CCDC91: variants seen among roughly 807,000 people sequenced by gnomAD.
CCDC91 encodes the protein coiled-coil domain containing 91.
A neutral mutation model predicts 63.2 loss-of-function variants in CCDC91; 48 were observed. The observed-to-expected ratio is 0.76, with a 90% CI of 0.60 to 0.97. The LOEUF is 0.97. CCDC91 is among the 50% of genes least tolerant of loss of function. CCDC91 has a pLI of 0.00. For synonymous variants in CCDC91, 167 were observed against 165.8 expected (o/e 1.01, Z -0.06); for missense variants, 500 against 494.6 (o/e 1.01, Z -0.10).
chr12:28,358,625 C>G (rs1029602480), intron 6 of CCDC91, among the ~76,000 whole-genome samples: 2 of 152,148 alleles, frequency 1.3e-5, no homozygotes, highest in Non-Finnish European at 2.9e-5. Context: ...ACTAGCACTA[C>G]CTCTTCCAAT....
rs1215386223 is a variant in CCDC91 at position 28,392,077 on chromosome 12, T to C, written c.762+666T>C. On this transcript the variant is annotated intron_variant, in intron 8 of 12. Coordinates refer to ENST00000536442, the MANE Select transcript of CCDC91 (RefSeq NM_018318.5). ...AATAAAATTAGGAGTAGAATTTAAA[T>C]GGAGATTATAAATATACCACCTTAT... 2.0e-5 allele frequency among the ~76,000 whole-genome samples: 3 copies of C among 152,296 alleles called. No homozygotes were observed. The East Asian group carries it at 5.8e-4, about 29-fold the overall frequency.
At chr12:28,301,396 T>TG (rs1269648265) in intron 3 of CCDC91, among the ~76,000 whole-genome samples, 1 of 151,600 alleles carries the variant, frequency 6.6e-6, no homozygotes, top group East Asian at 1.9e-4. Flanking sequence ...TAACCAGTCT[T>TG]GCATTCCTGG....
chr12:28,223,874 T>C (rs959884975), intron 1 of CCDC91, among the ~76,000 whole-genome samples: 1 of 152,226 alleles, frequency 6.6e-6, no homozygotes, highest in African/African-American at 2.4e-5. Context: ...TGTAAGATTC[T>C]CCTTGGAGAA....
chr12:28,408,419 A>G (rs897976521), intron 8 of CCDC91, among the ~76,000 whole-genome samples: 1 of 152,102 alleles, frequency 6.6e-6, no homozygotes, highest in Non-Finnish European at 1.5e-5. Context: ...AGTCTTTGCT[A>G]TTGTAAATAG....
Position 28,267,864 on chromosome 12 carries a change from T to TATATTATTA in CCDC91, c.109+8426_109+8427insTATTAATAT, listed in dbSNP as rs1491216929. On this transcript the variant is annotated intron_variant, in intron 3 of 12. Coordinates refer to ENST00000536442, the MANE Select transcript of CCDC91 (RefSeq NM_018318.5). ...ATATAATTATATAGTAATATATAAT[T>TATATTATTA]ATATATAATTATATATAATTATTAT... is the stretch of plus-strand genomic sequence containing the variant. Among the ~76,000 whole-genome samples the TATATTATTA allele has an allele frequency of 3.4e-3, 156 of 46,200 alleles. 6 individuals carry two copies. The highest frequency in any genetic ancestry group is 0.019 in the South Asian group (30 of 1,550). 30.3% of individuals were successfully genotyped at this position (46,200 alleles called of 152,430 possible). A position where few individuals can be genotyped will look rare whatever the true frequency, so the allele number is the denominator to read the frequency against.
At chr12:28,541,040 C>G (rs1261978412) in intron 12 of CCDC91, among the ~76,000 whole-genome samples, 1 of 152,062 alleles carries the variant, frequency 6.6e-6, no homozygotes, top group African/African-American at 2.4e-5. Context: ...AGAACATGAC[C>G]CAGAGGCACT....
At chr12:28,536,487 T>C (rs1357992822) in intron 12 of CCDC91, among the ~76,000 whole-genome samples, 1 of 152,212 alleles carries the variant, frequency 6.6e-6, no homozygotes, top group African/African-American at 2.4e-5. Flanking sequence ...AGTATACAAT[T>C]AGGAGTATGG....
intron 7 of CCDC91, among the ~76,000 whole-genome samples, chr12:28,367,169 A>G (rs1944329397): frequency 6.6e-6 from 1 of 152,252 alleles, no homozygotes; most frequent in Admixed American, 6.5e-5. Flanking sequence ...ATTATTTGTC[A>G]AGAATTTTAA....
At chr12:28,338,664 A>T (rs76423160) in intron 6 of CCDC91, among the ~76,000 whole-genome samples, 9 of 147,886 alleles carry the variant, frequency 6.1e-5, no homozygotes, top group Admixed American at 1.3e-4. Context: ...GTCATGAATT[A>T]AAAAAAAAAA....
chr12:28,222,677 T>C (rs1944025459), intron 1 of CCDC91, among the ~76,000 whole-genome samples: 2 of 152,210 alleles, frequency 1.3e-5, no homozygotes, highest in South Asian at 4.1e-4. Flanking sequence ...AGTATAGTTA[T>C]AGAATTTCCC....
At chr12:28,484,393 C>T (rs931143160) in intron 12 of CCDC91, among the ~76,000 whole-genome samples, 4 of 152,076 alleles carry the variant, frequency 2.6e-5, no homozygotes, top group Non-Finnish European at 5.9e-5. Flanking sequence ...TGGTAGACTC[C>T]TAGAAATAAC....
At chr12:28,399,104 G>C (rs532755699) in intron 8 of CCDC91, among the ~76,000 whole-genome samples, 1 of 152,218 alleles carries the variant, frequency 6.6e-6, no homozygotes, top group East Asian at 1.9e-4. Flanking sequence ...TGCATGGCTG[G>C]GGAGGTTTAT....
chr12:28,521,569 T>A (rs1940672718), intron 12 of CCDC91, among the ~76,000 whole-genome samples: 1 of 152,172 alleles, frequency 6.6e-6, no homozygotes, highest in Admixed American at 6.6e-5. Flanking sequence ...TTTATTTCTT[T>A]CTCCTGCCTG....
At chr12:28,262,756 G>A (rs1312949736) in intron 3 of CCDC91, among the ~76,000 whole-genome samples, 1 of 151,906 alleles carries the variant, frequency 6.6e-6, no homozygotes, top group Non-Finnish European at 1.5e-5. Flanking sequence ...CCTGTAAAAT[G>A]TGTCTTTACA....
intron 6 of CCDC91, among the ~76,000 whole-genome samples, chr12:28,313,128 C>T (rs900177602): frequency 6.6e-6 from 1 of 151,762 alleles, no homozygotes; most frequent in Admixed American, 6.6e-5. Flanking sequence ...ATCTAACATA[C>T]AGGTCTTTTA....
chr12:28,356,772 A>G (rs1291146928), intron 6 of CCDC91, among the ~76,000 whole-genome samples: 1 of 152,162 alleles, frequency 6.6e-6, no homozygotes, highest in African/African-American at 2.4e-5. Context: ...TCTCAATCAG[A>G]TATTATTTGC....
At chr12:28,212,024 A>G (rs1943266615) in intron 1 of CCDC91, among the ~76,000 whole-genome samples, 2 of 149,528 alleles carry the variant, frequency 1.3e-5, no homozygotes, top group Non-Finnish European at 3.0e-5. Flanking sequence ...AATTTGGTCA[A>G]AGAAACTCAG....
At chr12:28,522,735 A>G (rs1311345427) in intron 12 of CCDC91, among the ~76,000 whole-genome samples, 2 of 152,118 alleles carry the variant, frequency 1.3e-5, no homozygotes, top group African/African-American at 4.8e-5. Flanking sequence ...CCATCTACAC[A>G]CTGCTTTCAA....
intron 1 of CCDC91, among the ~76,000 whole-genome samples, chr12:28,210,055 C>A (rs61212817): frequency 2.6e-4 from 39 of 152,264 alleles, no homozygotes; most frequent in African/African-American, 8.9e-4. Context: ...TCTTTTTAAA[C>A]AACCAGTCAT....
Sources: allele counts gnomAD v4.1 joint callset (sites outside exome capture counted in the v4.1 genomes callset), GRCh38; gene constraint gnomAD v4.1.1; transcripts MANE v1.5; gene names NCBI Gene and HGNC (gene_info 2026-07-23, HGNC 2026-07-21).